Variants in FBXW7 observed in about 807,000 individuals in gnomAD.
FBXW7 encodes F-box/WD repeat-containing protein 7.
In FBXW7, 11 loss-of-function variants were observed where a neutral mutation model predicts 86.3. That is an observed-to-expected ratio of 0.13 (90% CI 0.08 to 0.21). FBXW7 has a LOEUF of 0.21. Among genes scored for constraint, FBXW7 ranks in the 10% least tolerant of loss-of-function variants. The pLI, the probability that FBXW7 is intolerant of heterozygous loss-of-function variation, is 1.00. For synonymous variants in FBXW7, 313 were observed against 297.9 expected (o/e 1.05, Z -0.52); for missense variants, 488 against 847.4 (o/e 0.58, Z 5.27).
At chr4:152,331,329 C>G (rs1729544523) in intron 8 of FBXW7, among the ~76,000 whole-genome samples, 1 of 151,976 alleles carries the variant, frequency 6.6e-6, no homozygotes, top group Admixed American at 6.6e-5. Flanking sequence ...TGCAAGCAAT[C>G]CAAGGGTCCA....
Position 152,323,142 on chromosome 4 carries a change from G to C in FBXW7, c.1863C>G (p.Asn621Lys), listed in dbSNP as rs1728693193. The C allele has an allele frequency of 6.2e-7, 1 of 1,612,660 alleles. No individual in the cohort carries two copies. The highest frequency in any genetic ancestry group is 8.5e-7 in the Non-Finnish European group (1 of 1,178,978). Residue 621 changes from asparagine (N) to lysine (K), a missense_variant, in exon 14 of 14, where the codon AAC becomes AAG. Physicochemically the swap from Asn to Lys is moderately conservative, Grantham distance 94. Transcript: ENST00000281708. ...GQCLQTLQGP[N>K]KHQSAVTCLQ... ...AACAGGTCACAGCACTCTGATGCTT[G>C]TTGGGACCTAGACAAAAACCAAAAG...
chr4:152,423,342 A>G (rs942664629), intron 2 of FBXW7, among the ~76,000 whole-genome samples: 7 of 152,226 alleles, frequency 4.6e-5, no homozygotes, highest in Non-Finnish European at 8.8e-5. Context: ...GCTGTATTAC[A>G]TGGCTGTATT....
intron 4 of FBXW7, among the ~76,000 whole-genome samples, chr4:152,372,424 CTATT>C (rs1039943181): frequency 5.9e-5 from 9 of 151,870 alleles, no homozygotes; most frequent in Admixed American, 5.9e-4. Context: ...AGTGCATATA[CTATT>C]TATTACAGAG....
intron 4 of FBXW7, among the ~76,000 whole-genome samples, chr4:152,356,067 G>A (rs1436488877): frequency 1.3e-5 from 2 of 152,212 alleles, no homozygotes; most frequent in African/African-American, 2.4e-5. Flanking sequence ...AAAGGATGTA[G>A]TTAATAGAGT....
In FBXW7 at chr4:152,535,998, A is replaced by G. The variant is rs554493937; in HGVS notation, c.-1084T>C. 124 of 239,392 alleles carry G rather than the reference A, an allele frequency of 5.2e-4. No individual in the cohort carries two copies. Among genetic ancestry groups the G allele is most frequent in the African/African-American group, 2.1e-3 (91 of 43,642 alleles). 14.8% of individuals were successfully genotyped at this position (239,392 alleles called of 1,614,324 possible). A position where few individuals can be genotyped will look rare whatever the true frequency, so the allele number is the denominator to read the frequency against. On this transcript the variant is annotated 5_prime_UTR_variant, in exon 1 of 14. Coordinates refer to ENST00000281708, the MANE Select transcript of FBXW7 (RefSeq NM_001349798.2). The stretch of plus-strand genomic sequence containing the variant: ...CGGATGCTCCTTCGCTCTCAGTCTC[A>G]GCGGCGGCGGCGGCGGCAGCGGCAG...
intron 2 of FBXW7, among the ~76,000 whole-genome samples, chr4:152,424,592 C>T (rs147593986): frequency 2.0e-5 from 3 of 152,286 alleles, no homozygotes; most frequent in African/African-American, 7.2e-5. Context: ...GGTGAGTTAC[C>T]GCATGTGTTA....
chr4:152,458,203 A>G (rs1579256301), intron 2 of FBXW7, among the ~76,000 whole-genome samples: 1 of 152,092 alleles, frequency 6.6e-6, no homozygotes, highest in Non-Finnish European at 1.5e-5. Context: ...TATTTTTAGT[A>G]GAGATGGGGT....
At chr4:152,352,933 G>A (rs987352869) in intron 4 of FBXW7, 29 of 1,413,978 alleles carry the variant, frequency 2.1e-5, no homozygotes, top group African/African-American at 2.9e-5. Context: ...CAATTATATG[G>A]TGATCCGCTC....
chr4:152,358,034 TG>T (rs1456318824), intron 4 of FBXW7, among the ~76,000 whole-genome samples: 2 of 152,210 alleles, frequency 1.3e-5, no homozygotes, highest in African/African-American at 2.4e-5. Context: ...TGGAGTTTAC[TG>T]ATTTATCCAG....
chr4:152,397,504 C>T (rs1243879058), intron 4 of FBXW7, among the ~76,000 whole-genome samples: 3 of 151,708 alleles, frequency 2.0e-5, no homozygotes, highest in Admixed American at 1.3e-4. Context: ...AACTCCTGGG[C>T]TCAAACCATC....
chr4:152,338,036 G>C, intron 6 of FBXW7, 100 bp from the exon 7 acceptor site: 1 of 1,125,198 alleles, frequency 8.9e-7, no homozygotes, highest in Non-Finnish European at 1.2e-6. Flanking sequence ...TAGTTGATCA[G>C]GGTAGAACTG....
At chr4:152,517,849 CCTTAGA>C (rs1366514737) in intron 2 of FBXW7, among the ~76,000 whole-genome samples, 1 of 152,092 alleles carries the variant, frequency 6.6e-6, no homozygotes. Flanking sequence ...TACTAATGAG[CCTTAGA>C]CTTAAAGTCT....
At chr4:152,461,965 G>A (rs1742990571) in intron 2 of FBXW7, among the ~76,000 whole-genome samples, 1 of 151,094 alleles carries the variant, frequency 6.6e-6, no homozygotes, top group South Asian at 2.1e-4. Context: ...AAAATGTTCT[G>A]TTATACGTTG....
intron 4 of FBXW7, among the ~76,000 whole-genome samples, chr4:152,379,802 T>C (rs1734892544): frequency 6.6e-6 from 1 of 152,206 alleles, no homozygotes; most frequent in Non-Finnish European, 1.5e-5. Flanking sequence ...ATAATTTATA[T>C]AATACATTAA....
chr4:152,467,011 CAAGA>C (rs1446398228), intron 2 of FBXW7, among the ~76,000 whole-genome samples: 4 of 152,152 alleles, frequency 2.6e-5, no homozygotes, highest in African/African-American at 9.7e-5. Flanking sequence ...TCCTTCTTCA[CAAGA>C]AAGATAAGAA....
chr4:152,529,327 T>C (rs975825800), intron 2 of FBXW7, among the ~76,000 whole-genome samples: 2 of 152,170 alleles, frequency 1.3e-5, no homozygotes, highest in African/African-American at 4.8e-5. Flanking sequence ...AAAGATGTAC[T>C]AACATTGTCA....
At position 152,320,718 on chromosome 4, in the gene FBXW7, T is replaced by G. The variant is rs1224124884; in HGVS notation, c.*2163A>C. The G allele has an allele frequency of 6.6e-6, 1 of 152,048 alleles. No individual in the cohort carries two copies. The highest frequency in any genetic ancestry group is 1.5e-5 in the Non-Finnish European group (1 of 67,982). The allele number at this position is 152,048 out of a possible 1,614,324, so 9.4% of individuals were successfully genotyped here. A position where few individuals can be genotyped will look rare whatever the true frequency, so the allele number is the denominator to read the frequency against. The stretch of plus-strand genomic sequence containing the variant: ...AAACTTTCTTAAAGAGCAGCATGTA[T>G]TTAGTCTTTGGAAATATGGGTTTGA... On this transcript the variant is annotated 3_prime_UTR_variant, in exon 14 of 14. Transcript: ENST00000281708.
intron 2 of FBXW7, among the ~76,000 whole-genome samples, chr4:152,529,020 G>T (rs762883876): frequency 3.3e-5 from 5 of 151,860 alleles, no homozygotes; most frequent in Non-Finnish European, 7.4e-5. Flanking sequence ...TTAACAGCAA[G>T]AATTCATTAT....
chr4:152,382,060 C>T (rs1735125971), intron 4 of FBXW7: 1 of 506,624 alleles, frequency 2.0e-6, no homozygotes. Flanking sequence ...TAAGTGTTTA[C>T]TGGCTACACA....
Sources: allele counts gnomAD v4.1 joint callset (sites outside exome capture counted in the v4.1 genomes callset), GRCh38; gene constraint gnomAD v4.1.1; transcripts MANE v1.5; gene names NCBI Gene and HGNC (gene_info 2026-07-23, HGNC 2026-07-21).